EFR3B: variants seen among roughly 807,000 people sequenced by gnomAD.
The protein encoded by EFR3B is EFR3 homolog B.
In EFR3B, 64 loss-of-function variants were observed where a neutral mutation model predicts 104.7. The observed-to-expected ratio is 0.61, with a 90% CI of 0.50 to 0.75. The LOEUF (loss-of-function observed/expected upper bound fraction) is 0.75. Ranked by LOEUF, EFR3B falls within the 30% of genes least tolerant of loss-of-function variation. EFR3B has a pLI of 0.00. For missense variants in EFR3B, 750 were observed against 1,078.5 expected, an observed-to-expected ratio of 0.70 and a Z score of 4.27; for synonymous variants, 385 against 417.9, an observed-to-expected ratio of 0.92 and a Z score of 0.96.
chr2:25,139,028 A>G lies in EFR3B; in HGVS notation c.1723-31A>G, dbSNP rs1169239285. The G allele has an allele frequency of 1.9e-6, 3 of 1,550,916 alleles. No individual in the cohort carries two copies. The Admixed American group carries it at 5.9e-5, about 30-fold the overall frequency. ...CACCCAGTGTAGTCTGTCAGTGAAA[A>G]ACTCCGGAGGCCTTGTCTATGTTGC... On this transcript the variant is annotated intron_variant, in intron 15 of 22. Transcript: ENST00000403714.
chr2:25,098,483 TG>T, intron 3 of EFR3B, among the ~76,000 whole-genome samples: 1 of 152,324 alleles, frequency 6.6e-6, no homozygotes, highest in South Asian at 2.1e-4. Flanking sequence ...AGATCTCTGC[TG>T]GTAGTAATCT....
At chr2:25,119,229 C>G (rs931507453) in intron 4 of EFR3B, among the ~76,000 whole-genome samples, 1 of 152,074 alleles carries the variant, frequency 6.6e-6, no homozygotes, top group African/African-American at 2.4e-5. Context: ...ATGGGAAAAC[C>G]AAAACATAAA....
At chr2:25,050,002 T>C (rs1667823354) in intron 1 of EFR3B, among the ~76,000 whole-genome samples, 1 of 147,720 alleles carries the variant, frequency 6.8e-6, no homozygotes, top group Non-Finnish European at 1.5e-5. Context: ...TGGTGGCGCA[T>C]GCCTATAATC....
intron 5 of EFR3B, 47 bp from the exon 6 acceptor site, chr2:25,128,136 T>C (rs1440266397): frequency 6.5e-7 from 1 of 1,548,798 alleles, no homozygotes. Context: ...GCTGGACTTC[T>C]CAGGGCTAGA....
rs10174592 is a variant in EFR3B, at chr2:25,092,923, C to T, written c.85-80C>T. Reference sequence around the variant, plus strand: ...GACACTCTGTAAATGTTGATTCCGTCGAATTATTATTTTTCTCTAGACTTG... The same window carrying T: ...GACACTCTGTAAATGTTGATTCCGTTGAATTATTATTTTTCTCTAGACTTG... On this transcript the variant is annotated intron_variant, in intron 2 of 22. Coordinates refer to ENST00000403714, the MANE Select transcript of EFR3B (RefSeq NM_014971.2). 872 of 1,489,286 alleles carry T rather than the reference C, an allele frequency of 5.9e-4. 5 individuals are homozygous for T. The African/African-American group carries it at 0.011, about 19-fold the overall frequency. 92.3% of individuals were successfully genotyped at this position (1,489,286 alleles called of 1,614,324 possible).
At position 25,080,281 on chromosome 2, in the gene EFR3B, A is replaced by G. The variant is rs1334416668; in HGVS notation, c.8-11044A>G. 49 of 412,548 alleles carry G rather than the reference A, an allele frequency of 1.2e-4. No homozygotes were observed. In the Admixed American group the frequency reaches 1.8e-3, roughly 15 times the overall value. 25.6% of individuals were successfully genotyped at this position (412,548 alleles called of 1,614,324 possible). ...GAAGCTGGCTGGAGTCCCTCCCCAA[A>G]GCTTTTTTTTTTTTTTTTTTTTTTT... On this transcript the variant is annotated intron_variant, in intron 1 of 22. Coordinates refer to ENST00000403714, the MANE Select transcript of EFR3B (RefSeq NM_014971.2).
At chr2:25,126,919 C>T (rs1402637129) in intron 5 of EFR3B, among the ~76,000 whole-genome samples, 1 of 151,876 alleles carries the variant, frequency 6.6e-6, no homozygotes, top group Non-Finnish European at 1.5e-5. Flanking sequence ...TTTGGCCAGG[C>T]ACGGTGGCTC....
intron 12 of EFR3B, among the ~76,000 whole-genome samples, chr2:25,134,176 T>TA (rs1670456175): frequency 1.4e-5 from 1 of 69,396 alleles, no homozygotes; most frequent in African/African-American, 9.5e-5. Flanking sequence ...TCTCAGTTTA[T>TA]ATTTTTTTTT....
intron 1 of EFR3B, among the ~76,000 whole-genome samples, chr2:25,069,109 T>C (rs2149173470): frequency 6.6e-6 from 1 of 151,446 alleles, no homozygotes; most frequent in African/African-American, 2.4e-5. Context: ...GGTTTCACCA[T>C]GTTGGCCAGG....
chr2:25,132,818 C>T, intron 10 of EFR3B, 85 bp from the exon 11 acceptor site: 1 of 1,147,652 alleles, frequency 8.7e-7, no homozygotes, highest in African/African-American at 1.5e-5. Flanking sequence ...AGAGGCAGCC[C>T]TCGCTCTCTG....
intron 1 of EFR3B, among the ~76,000 whole-genome samples, chr2:25,049,435 T>C (rs1049407710): frequency 6.6e-5 from 10 of 152,236 alleles, no homozygotes; most frequent in Non-Finnish European, 1.3e-4. Context: ...TCATGAGGGA[T>C]AGAAGAATAT....
chr2:25,080,545 C>T (rs752646145), intron 1 of EFR3B: 25 of 484,172 alleles, frequency 5.2e-5, no homozygotes, highest in South Asian at 5.8e-5. Flanking sequence ...CTGCCCGCCT[C>T]GGCCTCCCAA....
At chr2:25,068,921 G>A (rs532942299) in intron 1 of EFR3B, among the ~76,000 whole-genome samples, 25 of 140,396 alleles carry the variant, frequency 1.8e-4, no homozygotes, top group Non-Finnish European at 2.9e-4. Context: ...GAGCCACCGC[G>A]CCCGGCATCT....
At chr2:25,146,348 C>T (rs1670815744) in intron 19 of EFR3B, 1 of 152,130 alleles carries the variant, frequency 6.6e-6, no homozygotes, top group Non-Finnish European at 1.5e-5. Context: ...TCGACCACTT[C>T]ATTTATTGGG....
In EFR3B at chr2:25,157,085, C is replaced by T. The variant is rs1253031742; in HGVS notation, c.*2745C>T. The T allele has an allele frequency of 6.6e-6, 1 of 152,204 alleles. No individual in the cohort carries two copies. The highest frequency in any genetic ancestry group is 2.4e-5 in the African/African-American group (1 of 41,442). 9.4% of individuals were successfully genotyped at this position (152,204 alleles called of 1,614,324 possible). A position where few individuals can be genotyped will look rare whatever the true frequency, so the allele number is the denominator to read the frequency against. On this transcript the variant is annotated 3_prime_UTR_variant, in exon 23 of 23. Transcript: ENST00000403714. ...CATCCCCATCCTGTGAATAGAGAGA[C>T]AGAAAAGGTGCAGGTTCCCATTCTG...
chr2:25,085,684 C>T (rs192676077), intron 1 of EFR3B, among the ~76,000 whole-genome samples: 2 of 151,952 alleles, frequency 1.3e-5, no homozygotes, highest in East Asian at 1.9e-4. Context: ...AGGCTGGTCT[C>T]GAACTCATGA....
At chr2:25,054,511 C>T (rs1415523572) in intron 1 of EFR3B, among the ~76,000 whole-genome samples, 5 of 151,944 alleles carry the variant, frequency 3.3e-5, no homozygotes, top group African/African-American at 7.3e-5. Context: ...TTAGTAGAGA[C>T]GGGGTTTTGC....
chr2:25,060,612 G>A (rs1558585196), intron 1 of EFR3B, among the ~76,000 whole-genome samples: 1 of 151,996 alleles, frequency 6.6e-6, no homozygotes, highest in East Asian at 1.9e-4. Context: ...TTGGAGAGGG[G>A]GTGATATAAA....
chr2:25,150,070 G>A (rs973339817), intron 20 of EFR3B, among the ~76,000 whole-genome samples: 7 of 152,156 alleles, frequency 4.6e-5, no homozygotes, highest in Non-Finnish European at 7.3e-5. Context: ...GGGAGGCTGA[G>A]GTGGGTGGAT....
Sources: gnomAD v4.1 joint callset for allele counts (sites outside exome capture counted in the v4.1 genomes callset) on GRCh38, gnomAD v4.1.1 for gene constraint, MANE v1.5 for transcripts, NCBI Gene and HGNC (gene_info 2026-07-23, HGNC 2026-07-21) for gene names.